Variants in DCLK1 observed in about 807,000 individuals in gnomAD.
The protein encoded by DCLK1 is doublecortin like kinase 1, also known as serine/threonine-protein kinase DCLK1.
Under a neutral mutation model 86.2 loss-of-function variants are expected in DCLK1, and 16 were observed. The ratio of observed to expected loss-of-function variants is 0.19; its 90% CI spans 0.13 to 0.28. DCLK1 has a LOEUF of 0.28. DCLK1 is among the 10% of genes least tolerant of loss of function. DCLK1 has a pLI of 1.00. For missense variants in DCLK1, 590 were observed against 940.2 expected (o/e 0.63, Z 4.87); for synonymous variants, 369 against 370.5 (o/e 1.00, Z 0.05).
At chr13:35,867,036 C>G (rs1211102913) in intron 5 of DCLK1, among the ~76,000 whole-genome samples, 7 of 152,108 alleles carry the variant, frequency 4.6e-5, no homozygotes, top group Non-Finnish European at 8.8e-5. Flanking sequence ...ACCTCTGGGC[C>G]CGGTTCCAGG....
intron 2 of DCLK1, among the ~76,000 whole-genome samples, chr13:36,117,614 T>C (rs542485128): frequency 4.5e-4 from 68 of 152,258 alleles, no homozygotes; most frequent in Non-Finnish European, 8.1e-4. Flanking sequence ...ATCTCATTGC[T>C]AAAAAATTTT....
intron 3 of DCLK1, among the ~76,000 whole-genome samples, chr13:36,086,734 T>C (rs1160849683): frequency 2.7e-4 from 41 of 152,182 alleles, no homozygotes; most frequent in African/African-American, 9.9e-4. Flanking sequence ...GGTTTTCTGC[T>C]CTTGTGTTAG....
At chr13:36,053,890 AT>A (rs1271956276) in intron 3 of DCLK1, among the ~76,000 whole-genome samples, 1 of 152,154 alleles carries the variant, frequency 6.6e-6, no homozygotes, top group African/African-American at 2.4e-5. Context: ...ACACTGAGGC[AT>A]AAAGAGAGGA....
intron 5 of DCLK1, among the ~76,000 whole-genome samples, chr13:35,866,450 ACT>A (rs1234716242): frequency 7.7e-6 from 1 of 130,154 alleles, no homozygotes; most frequent in Non-Finnish European, 1.6e-5. Context: ...GAAAACAAAG[ACT>A]CTTTTTTTTT....
chr13:36,012,392 T>C (rs1003954307), intron 3 of DCLK1, among the ~76,000 whole-genome samples: 5 of 151,410 alleles, frequency 3.3e-5, no homozygotes, highest in Admixed American at 6.6e-5. Flanking sequence ...TGTTTAGCGC[T>C]TCCTTCAGGA....
rs2086328214 is a variant in DCLK1 at position 35,771,276 on chromosome 13, C to T, written c.*3259G>A. 6.6e-6 allele frequency: 1 copy of T among 152,118 alleles called. No homozygotes were observed. The highest frequency in any genetic ancestry group is 6.5e-5 in the Admixed American group (1 of 15,274). The allele number at this position is 152,118 out of a possible 1,614,324, so 9.4% of individuals were successfully genotyped here. On this transcript the variant is annotated 3_prime_UTR_variant, in exon 17 of 17. Coordinates refer to ENST00000360631, the MANE Select transcript of DCLK1 (RefSeq NM_001330071.2). ...CTTTCTTTCAACAATATCTGATGGG[C>T]CTGTTAACTGCCACCCATGGGGAGC... is the stretch of plus-strand genomic sequence containing the variant.
chr13:35,966,950 T>A (rs986756890), intron 3 of DCLK1, among the ~76,000 whole-genome samples: 17 of 151,826 alleles, frequency 1.1e-4, no homozygotes, highest in African/African-American at 4.1e-4. Context: ...GAGGAGCGTC[T>A]CTGCCTGGCC....
intron 3 of DCLK1, among the ~76,000 whole-genome samples, chr13:35,955,609 T>A (rs1214422361): frequency 5.3e-5 from 8 of 152,182 alleles, no homozygotes; most frequent in African/African-American, 1.9e-4. Flanking sequence ...AATGACACCC[T>A]AGTAACAAAT....
At chr13:35,859,641 C>T (rs376311108) in intron 5 of DCLK1, among the ~76,000 whole-genome samples, 3 of 151,914 alleles carry the variant, frequency 2.0e-5, no homozygotes, top group African/African-American at 7.2e-5. Flanking sequence ...CCTTTTCCTT[C>T]ATCATTTCAG....
At chr13:36,049,835 CA>C (rs1883062230) in intron 3 of DCLK1, among the ~76,000 whole-genome samples, 1 of 152,030 alleles carries the variant, frequency 6.6e-6, no homozygotes, top group African/African-American at 2.4e-5. Context: ...AAATAAAATA[CA>C]AAGACTCTAA....
At chr13:36,013,697 C>T (rs1043642171) in intron 3 of DCLK1, among the ~76,000 whole-genome samples, 13 of 152,282 alleles carry the variant, frequency 8.5e-5, no homozygotes, top group South Asian at 6.2e-4. Flanking sequence ...CTGTGCCCTG[C>T]CCCCAGAGGT....
intron 6 of DCLK1, among the ~76,000 whole-genome samples, chr13:35,853,687 G>A (rs1292424575): frequency 6.6e-6 from 1 of 152,178 alleles, no homozygotes; most frequent in Non-Finnish European, 1.5e-5. Flanking sequence ...TTATTAAAGT[G>A]TTCAGTGAGC....
chr13:35,839,778 C>G (rs1256502717), intron 6 of DCLK1, among the ~76,000 whole-genome samples: 1 of 103,878 alleles, frequency 9.6e-6, no homozygotes, highest in African/African-American at 4.0e-5. Context: ...ACAATAAAAG[C>G]CTAGGCCTTG....
intron 3 of DCLK1, among the ~76,000 whole-genome samples, chr13:36,018,368 T>G (rs1024552097): frequency 2.0e-5 from 3 of 152,242 alleles, no homozygotes; most frequent in Non-Finnish European, 4.4e-5. Context: ...ATAAAATTCA[T>G]AAGTTAATTT....
intron 5 of DCLK1, among the ~76,000 whole-genome samples, chr13:35,860,136 T>C (rs1871298018): frequency 6.6e-6 from 1 of 152,204 alleles, no homozygotes; most frequent in Admixed American, 6.5e-5. Flanking sequence ...TGTTTGCATA[T>C]ATGTGTGTGT....
In DCLK1 at chr13:36,111,869, C is replaced by T. The variant is rs2138189984; in HGVS notation, c.723G>A (p.Gln241=). ...AGTCACATCACAATATGTCTCTTAC[C>T]TGTTTCCCATCCAACGTGTACAGGC... ...VKRLYTLDGK[Q]VMCLQDFFGD... Residue 241 remains glutamine, a splice_region_variant and synonymous_variant, in exon 3 of 17, where the codon CAG becomes CAA. Transcript: ENST00000360631. The T allele has an allele frequency of 6.2e-7, 1 of 1,608,972 alleles. No homozygotes were observed. Among genetic ancestry groups the T allele is most frequent in the East Asian group, 2.2e-5 (1 of 44,738 alleles).
intron 15 of DCLK1, among the ~76,000 whole-genome samples, chr13:35,801,898 A>G (rs988919278): frequency 6.6e-6 from 1 of 152,146 alleles, no homozygotes; most frequent in African/African-American, 2.4e-5. Flanking sequence ...CATGTATATA[A>G]ACAAATTTGC....
At chr13:35,980,477 T>TC (rs1350378852) in intron 3 of DCLK1, among the ~76,000 whole-genome samples, 2 of 151,500 alleles carry the variant, frequency 1.3e-5, no homozygotes, top group Admixed American at 6.6e-5. Flanking sequence ...GACTCCGTGT[T>TC]CCCCCCGGCA....
chr13:35,860,133 A>G (rs979214719), intron 5 of DCLK1, among the ~76,000 whole-genome samples: 3 of 152,156 alleles, frequency 2.0e-5, no homozygotes, highest in Admixed American at 6.5e-5. Context: ...ATGTGTTTGC[A>G]TATATGTGTG....
Sources: allele counts gnomAD v4.1 joint callset (sites outside exome capture counted in the v4.1 genomes callset), GRCh38; gene constraint gnomAD v4.1.1; transcripts MANE v1.5; gene names NCBI Gene and HGNC (gene_info 2026-07-23, HGNC 2026-07-21).